TTC7B: variants seen among roughly 807,000 people sequenced by gnomAD.
TTC7B encodes the protein tetratricopeptide repeat protein 7B.
Under a neutral mutation model 106.8 loss-of-function variants are expected in TTC7B, and 28 were observed. The observed-to-expected ratio is 0.26, with a 90% CI of 0.19 to 0.36. The LOEUF is 0.36. Ranked by LOEUF, TTC7B falls within the 10% of genes least tolerant of loss-of-function variation. The pLI is 1.00. For synonymous variants in TTC7B, 405 were observed against 430.6 expected, an observed-to-expected ratio of 0.94 and a Z score of 0.74; for missense variants, 862 against 1,076.4, an observed-to-expected ratio of 0.80 and a Z score of 2.79.
chr14:90,799,120 G>A (rs1359458082), intron 1 of TTC7B, among the ~76,000 whole-genome samples: 8 of 151,844 alleles, frequency 5.3e-5, no homozygotes, highest in Non-Finnish European at 8.8e-5. Flanking sequence ...CCAGCCTCAC[G>A]CACCCGTGCT....
rs997430041 is a variant in TTC7B, at chr14:90,578,994, T to G, written c.2108-686A>C. Among the ~76,000 whole-genome samples, 40 of 152,300 alleles carry G rather than the reference T, an allele frequency of 2.6e-4. No individual in the cohort carries two copies. The highest frequency in any genetic ancestry group is 9.6e-4 in the African/African-American group (40 of 41,572). ...CTGCTACCGATCCAGGCCTCAACTC[T>G]CTCACCTCCATGTGGAGCCAAACCC... On this transcript the variant is annotated intron_variant, in intron 18 of 19. Transcript: ENST00000328459. This position sits in a 1 kb window ranked among gnomAD's most constrained non-coding sequence, Gnocchi z 4.7.
rs143950104 is a variant in TTC7B, at chr14:90,768,557, G to C, written c.445+12181C>G. Among the ~76,000 whole-genome samples the C allele has an allele frequency of 9.9e-4, 150 of 152,226 alleles. 1 individual carries two copies. Among genetic ancestry groups the C allele is most frequent in the African/African-American group, 3.3e-3 (136 of 41,530 alleles). On this transcript the variant is annotated intron_variant, in intron 3 of 19. Transcript: ENST00000328459. ...TACAATTTAAAATGAGATCTGAATG[G>C]GGACACAGAGCAAACCATATCAACC...
chr14:90,598,254 G>T (rs1030465742), intron 17 of TTC7B, among the ~76,000 whole-genome samples: 2 of 152,226 alleles, frequency 1.3e-5, no homozygotes, highest in African/African-American at 4.8e-5. Flanking sequence ...CAGGTCTGTC[G>T]TCAAACGGCC....
intron 1 of TTC7B, among the ~76,000 whole-genome samples, chr14:90,793,534 A>G (rs1167834872): frequency 6.6e-6 from 1 of 151,310 alleles, no homozygotes; most frequent in Non-Finnish European, 1.5e-5. Context: ...CAAAAAAAAA[A>G]AAAAAGAATC....
chr14:90,767,183 C>T (rs550180122), intron 3 of TTC7B, among the ~76,000 whole-genome samples: 3 of 152,138 alleles, frequency 2.0e-5, no homozygotes, highest in South Asian at 2.1e-4. Flanking sequence ...AGTGCCACAG[C>T]GTTCAATCCT....
intron 5 of TTC7B, chr14:90,698,519 T>C (rs1887855600): frequency 6.6e-6 from 1 of 152,200 alleles, no homozygotes. Flanking sequence ...TTATTCCATT[T>C]CAACACCCTT....
chr14:90,736,262 A>C (rs1889521669), intron 4 of TTC7B, among the ~76,000 whole-genome samples: 1 of 151,900 alleles, frequency 6.6e-6, no homozygotes, highest in South Asian at 2.1e-4. Context: ...TAGTGAAAAA[A>C]TTTTTGTTTT....
intron 19 of TTC7B, among the ~76,000 whole-genome samples, chr14:90,549,712 C>T (rs1383603880): frequency 6.6e-6 from 1 of 152,170 alleles, no homozygotes; most frequent in African/African-American, 2.4e-5. Context: ...TGAATCCTAG[C>T]TCCACCGTTT....
chr14:90,579,324 C>G (rs1217699753), intron 18 of TTC7B, among the ~76,000 whole-genome samples: 2 of 152,252 alleles, frequency 1.3e-5, no homozygotes, highest in African/African-American at 4.8e-5. Flanking sequence ...GACCCCTTCT[C>G]CCACCTGCAG....
chr14:90,810,073 A>G (rs934669976), intron 1 of TTC7B, among the ~76,000 whole-genome samples: 1 of 152,246 alleles, frequency 6.6e-6, no homozygotes, highest in South Asian at 2.1e-4. Flanking sequence ...TCTAAAAACC[A>G]AAAGTTGTTT....
At chr14:90,745,297 CAAAAAAAAAAA>C (rs71461925) in intron 3 of TTC7B, among the ~76,000 whole-genome samples, 1 of 108,758 alleles carries the variant, frequency 9.2e-6, no homozygotes, top group Admixed American at 9.7e-5. Flanking sequence ...CCCTGTCTCC[CAAAAAAAAAAA>C]AAAAAAAGAA....
chr14:90,780,523 T>C (rs1891183565), intron 3 of TTC7B, among the ~76,000 whole-genome samples: 1 of 145,876 alleles, frequency 6.9e-6, no homozygotes, highest in Non-Finnish European at 1.5e-5. Flanking sequence ...TTTTCCTTCA[T>C]CCCCTTCAGT....
intron 3 of TTC7B, among the ~76,000 whole-genome samples, chr14:90,767,596 T>C (rs911450506): frequency 2.0e-5 from 3 of 152,218 alleles, no homozygotes; most frequent in African/African-American, 7.2e-5. Context: ...ACTTGCCAGA[T>C]GCTAGAACCT....
chr14:90,557,278 G>A (rs2139779134), intron 19 of TTC7B, among the ~76,000 whole-genome samples: 1 of 152,276 alleles, frequency 6.6e-6, no homozygotes, highest in East Asian at 1.9e-4. Flanking sequence ...CTGAAGGTAT[G>A]CTCCCCCTGC....
intron 5 of TTC7B, among the ~76,000 whole-genome samples, chr14:90,729,012 G>A (rs1328355470): frequency 3.3e-5 from 5 of 152,224 alleles, no homozygotes; most frequent in East Asian, 1.9e-4. Flanking sequence ...AGATGAGATC[G>A]AATGCAAGAG....
chr14:90,804,323 C>T (rs1347825870), intron 1 of TTC7B, among the ~76,000 whole-genome samples: 1 of 150,668 alleles, frequency 6.6e-6, no homozygotes, highest in Non-Finnish European at 1.5e-5. Flanking sequence ...CACAGCGAGA[C>T]TCCGTCTCAA....
rs538528267 is a variant in TTC7B, at chr14:90,626,431, G to A, written c.1752-8386C>T. Among the ~76,000 whole-genome samples, 11 of 152,176 alleles carry A rather than the reference G, an allele frequency of 7.2e-5. No homozygotes were observed. In the South Asian group the frequency reaches 1.5e-3, roughly 20 times the overall value. ...TTCTGAAGGTGCTCTAGCCCTGCCC[G>A]GGTCCTCCACACATCTCCAGTGAAG... is the stretch of plus-strand genomic sequence containing the variant. On this transcript the variant is annotated intron_variant, in intron 15 of 19. Transcript: ENST00000328459.
At chr14:90,673,453 G>A (rs187820851) in intron 9 of TTC7B, among the ~76,000 whole-genome samples, 60 of 152,334 alleles carry the variant, frequency 3.9e-4, no homozygotes, top group Non-Finnish European at 6.8e-4. Flanking sequence ...AGGAGCGCGG[G>A]TCTGTCGAAT....
At chr14:90,587,177 G>A (rs1891751055) in intron 18 of TTC7B, among the ~76,000 whole-genome samples, 1 of 152,096 alleles carries the variant, frequency 6.6e-6, no homozygotes, top group Admixed American at 6.5e-5. Flanking sequence ...GTCTTGCTAT[G>A]TTGCCCAGGC....
Sources: gnomAD v4.1 joint callset for allele counts (sites outside exome capture counted in the v4.1 genomes callset) on GRCh38, gnomAD v4.1.1 for gene constraint, Gnocchi (gnomAD v3.1) non-coding constraint, MANE v1.5 for transcripts, NCBI Gene and HGNC (gene_info 2026-07-23, HGNC 2026-07-21) for gene names.